The following PRPS2 variants were observed in gnomAD, a reference collection of about 807,000 sequenced individuals.
PRPS2 encodes the protein ribose-phosphate pyrophosphokinase 2.
For synonymous variants in PRPS2, 111 were observed against 115.3 expected, an observed-to-expected ratio of 0.96 and a Z score of 0.24; for missense variants, 104 against 271.5, an observed-to-expected ratio of 0.38 and a Z score of 4.34.
intron 2 of PRPS2, among the ~76,000 whole-genome samples, chrX:12,807,624 G>A (rs2042600127): frequency 1.8e-5 from 2 of 111,569 alleles, no homozygotes; most frequent in African/African-American, 6.5e-5. Flanking sequence ...TGAATGCAGA[G>A]TGTGGAGCTG....
intron 2 of PRPS2, among the ~76,000 whole-genome samples, chrX:12,807,410 G>C (rs984503108): frequency 8.9e-6 from 1 of 112,428 alleles, no homozygotes; most frequent in East Asian, 2.8e-4. Context: ...TAACTGATTC[G>C]ACAATTGTAG....
intron 1 of PRPS2, among the ~76,000 whole-genome samples, chrX:12,794,915 T>G (rs913412124): frequency 5.3e-5 from 6 of 112,209 alleles, no homozygotes; most frequent in African/African-American, 1.9e-4. Context: ...TAGGCAGTGC[T>G]AGCACATGTA....
At chrX:12,801,904 T>C (rs1231187533) in intron 2 of PRPS2, among the ~76,000 whole-genome samples, 1 of 112,591 alleles carries the variant, frequency 8.9e-6, no homozygotes, top group Non-Finnish European at 1.9e-5. Context: ...CTACCGCACC[T>C]GGCCTGTAGC....
intron 4 of PRPS2, among the ~76,000 whole-genome samples, chrX:12,813,387 C>T (rs1395939527): frequency 1.8e-5 from 2 of 112,141 alleles, no homozygotes; most frequent in East Asian, 5.6e-4. Flanking sequence ...GAAGCAATAT[C>T]GTTGCTTTGA....
At chrX:12,803,334 C>T (rs185677237) in intron 2 of PRPS2, among the ~76,000 whole-genome samples, 79 of 112,691 alleles carry the variant, frequency 7.0e-4, no homozygotes, top group Admixed American at 5.5e-3. Context: ...GTCACCCAGG[C>T]TGAAGTGCGG....
chrX:12,820,555 C>T (rs2042670490), intron 5 of PRPS2, 89 bp from the exon 6 acceptor site: 5 of 972,691 alleles, frequency 5.1e-6, no homozygotes, highest in African/African-American at 1.9e-5. Context: ...TTTTACGGAG[C>T]ACACTTTGTG....
chrX:12,791,730 C>A, intron 1 of PRPS2, 111 bp downstream of exon 1: 1 of 746,303 alleles, frequency 1.3e-6, no homozygotes, highest in Non-Finnish European at 1.6e-6. Context: ...CGCGCTCCCC[C>A]TTCCGGGGCG....
intron 3 of PRPS2, among the ~76,000 whole-genome samples, chrX:12,809,659 A>G (rs1248683938): frequency 8.9e-6 from 1 of 111,881 alleles, no homozygotes; most frequent in Non-Finnish European, 1.9e-5. Flanking sequence ...AAACAGGCCA[A>G]ATTATACTGT....
At chrX:12,811,384 G>A (rs778373060) in intron 4 of PRPS2, among the ~76,000 whole-genome samples, 31 of 111,862 alleles carry the variant, frequency 2.8e-4, no homozygotes, top group African/African-American at 9.4e-4. Flanking sequence ...TACTCGAGGC[G>A]TTAACAAGCA....
chrX:12,797,992 C>T (rs914933396), intron 1 of PRPS2, among the ~76,000 whole-genome samples: 3 of 112,197 alleles, frequency 2.7e-5, no homozygotes, highest in African/African-American at 9.7e-5. Flanking sequence ...AGGGAATCCC[C>T]GGATGGCAGC....
intron 3 of PRPS2, among the ~76,000 whole-genome samples, chrX:12,809,576 A>T (rs2042612409): frequency 2.7e-5 from 3 of 111,978 alleles, no homozygotes; most frequent in Middle Eastern, 4.6e-3. Flanking sequence ...ATCTCAGCTT[A>T]TGGAAAATAA....
At chrX:12,808,296 G>GTGTGTGTGTGTT (rs1355767030) in intron 2 of PRPS2, among the ~76,000 whole-genome samples, 5 of 110,512 alleles carry the variant, frequency 4.5e-5, no homozygotes, top group African/African-American at 6.6e-5. Context: ...TACTGTGTGT[G>GTGTGTGTGTGTT]TGTGTGTGTG....
At chrX:12,795,691 C>T in intron 1 of PRPS2, among the ~76,000 whole-genome samples, 1 of 112,216 alleles carries the variant, frequency 8.9e-6, no homozygotes, top group Non-Finnish European at 1.9e-5. Flanking sequence ...TGACGTTAAT[C>T]CGTTTGTGAG....
chrX:12,791,877 G>A (rs1240775220), intron 1 of PRPS2, among the ~76,000 whole-genome samples: 5 of 112,493 alleles, frequency 4.4e-5, no homozygotes, highest in African/African-American at 6.4e-5. Flanking sequence ...GCGGCGACCC[G>A]GCGGTCCCGA....
chrX:12,818,351 A>G (rs1415667191), intron 4 of PRPS2, among the ~76,000 whole-genome samples: 1 of 95,290 alleles, frequency 1.0e-5, no homozygotes, highest in African/African-American at 3.9e-5. Context: ...CTGGTCAACA[A>G]GAGTGAAACT....
At chrX:12,822,271 A>G (rs182655648) in intron 6 of PRPS2, among the ~76,000 whole-genome samples, 2 of 112,440 alleles carry the variant, frequency 1.8e-5, no homozygotes, top group Admixed American at 9.4e-5. Context: ...AAGGTCAAAT[A>G]TGTTAACTAT....
intron 4 of PRPS2, among the ~76,000 whole-genome samples, chrX:12,810,602 C>G (rs2042618735): frequency 2.7e-5 from 3 of 111,144 alleles, no homozygotes; most frequent in Admixed American, 9.6e-5. Context: ...AGGCGGAAAG[C>G]CATGTCCAGG....
chrX:12,791,854 C>T (rs1381694109), intron 1 of PRPS2, among the ~76,000 whole-genome samples: 1 of 112,369 alleles, frequency 8.9e-6, no homozygotes, highest in Non-Finnish European at 1.9e-5. Context: ...GCAGGGCCTC[C>T]GGTCCTGGGA....
chrX:12,814,075 A>G (rs1280656212), intron 4 of PRPS2, among the ~76,000 whole-genome samples: 7 of 83,559 alleles, frequency 8.4e-5, no homozygotes, highest in Admixed American at 1.5e-4. Context: ...CCCACCCCCG[A>G]CTCTACTGTC....
Sources: allele counts gnomAD v4.1 joint callset (sites outside exome capture counted in the v4.1 genomes callset), GRCh38; gene constraint gnomAD v4.1.1; transcripts MANE v1.5; gene names NCBI Gene and HGNC (gene_info 2026-07-23, HGNC 2026-07-21).